Variants in NALF1 observed in about 807,000 individuals in gnomAD.
NALF1 encodes the protein NALCN channel auxiliary factor 1, also known as family with sequence similarity 155 member A.
NALF1 carries 3 observed loss-of-function variants against 48.4 expected under a neutral mutation model. The ratio of observed to expected loss-of-function variants is 0.06; its 90% CI spans 0.03 to 0.16. The LOEUF is 0.16. NALF1 is among the 10% of genes least tolerant of loss of function. The pLI, the probability that NALF1 is intolerant of heterozygous loss-of-function variation, is 1.00. For missense variants in NALF1, 526 were observed against 571.5 expected (o/e 0.92, Z 0.81); for synonymous variants, 262 against 245.7 (o/e 1.07, Z -0.62).
chr13:107,409,275 G>A (rs564286209), intron 1 of NALF1, among the ~76,000 whole-genome samples: 2 of 152,152 alleles, frequency 1.3e-5, no homozygotes, highest in East Asian at 1.9e-4. Context: ...GCTAGATGTT[G>A]GAGATACAAT....
intron 1 of NALF1, among the ~76,000 whole-genome samples, chr13:107,679,657 C>A (rs1408485290): frequency 6.6e-6 from 1 of 152,182 alleles, no homozygotes; most frequent in Non-Finnish European, 1.5e-5. Context: ...GTCCAGAATG[C>A]CCCTCATCCA....
intron 1 of NALF1, among the ~76,000 whole-genome samples, chr13:107,377,629 T>C (rs1482127525): frequency 5.3e-5 from 8 of 151,744 alleles, no homozygotes; most frequent in Admixed American, 5.3e-4. Context: ...AAATAAAAAA[T>C]AATAATAGTA....
In NALF1 at chr13:107,170,502, C is replaced by T; in HGVS notation, c.1372G>A (p.Glu458Lys). Residue 458 changes from glutamate (E) to lysine (K), a missense_variant, in exon 3 of 3, where the codon GAG becomes AAG. Physicochemically the swap from Glu to Lys is moderately conservative, Grantham distance 56. This residue lies in a region of NALF1 where 153 missense variants were observed against 215.9 expected (regional missense o/e 0.71). Transcript: ENST00000375915. ...NTLEENSTNEE is the reference protein window; with the variant it reads ...NTLEENSTNEK ...TGGTGACACTCGTCCTTCCGTTACT[C>T]CTCATTGGTTGAGTTTTCTTCCAGC... The T allele has an allele frequency of 6.3e-7, 1 of 1,597,044 alleles. No individual in the cohort carries two copies. Among genetic ancestry groups the T allele is most frequent in the Non-Finnish European group, 8.5e-7 (1 of 1,169,932 alleles).
At chr13:107,415,804 A>G (rs1230241043) in intron 1 of NALF1, among the ~76,000 whole-genome samples, 2 of 152,188 alleles carry the variant, frequency 1.3e-5, no homozygotes, top group African/African-American at 4.8e-5. Context: ...AGGTGATACA[A>G]TGTGATGTGG....
At chr13:107,381,452 C>T (rs139468379) in intron 1 of NALF1, among the ~76,000 whole-genome samples, 2,917 of 152,034 alleles carry the variant, frequency 0.019, 38 homozygotes, top group South Asian at 0.055. Context: ...CTCACCTTGG[C>T]CCCCCAAAGT....
At chr13:107,741,205 G>A (rs1053100430) in intron 1 of NALF1, among the ~76,000 whole-genome samples, 1 of 152,126 alleles carries the variant, frequency 6.6e-6, no homozygotes, top group African/African-American at 2.4e-5. Context: ...ATTTCATTCT[G>A]GTGCTAATTG....
chr13:107,758,667 G>T (rs1473906359), intron 1 of NALF1, among the ~76,000 whole-genome samples: 1 of 152,090 alleles, frequency 6.6e-6, no homozygotes, highest in East Asian at 1.9e-4. Flanking sequence ...CTGGTAGTGA[G>T]CCGAGATAGC....
chr13:107,395,626 CT>C (rs1477168522), intron 1 of NALF1, among the ~76,000 whole-genome samples: 84 of 152,234 alleles, frequency 5.5e-4, no homozygotes, highest in African/African-American at 1.9e-3. Context: ...ACTGCATTAG[CT>C]TGCTAGGGCT....
chr13:107,796,980 A>C (rs1287144168), intron 1 of NALF1, among the ~76,000 whole-genome samples: 1 of 152,102 alleles, frequency 6.6e-6, no homozygotes, highest in Non-Finnish European at 1.5e-5. Context: ...AAACTTCCTC[A>C]GCCATTTCCA....
rs1878650939 is a variant in NALF1 at position 107,166,017 on chromosome 13, T to TGA, written c.*4479_*4480insTC. 6.6e-6 allele frequency: 1 copy of TGA among 152,274 alleles called. No individual in the cohort carries two copies. The highest frequency in any genetic ancestry group is 6.6e-5 in the Admixed American group (1 of 15,252). The allele number at this position is 152,274 out of a possible 1,614,324, so 9.4% of individuals were successfully genotyped here. A position where few individuals can be genotyped will look rare whatever the true frequency, so the allele number is the denominator to read the frequency against. ...TTTATTTGCAAGCGATGTGTGTGTG[T>TGA]GTGTGTGTGTGTGTGTGTGTGTGTA... On this transcript the variant is annotated 3_prime_UTR_variant, in exon 3 of 3. Transcript: ENST00000375915.
intron 1 of NALF1, among the ~76,000 whole-genome samples, chr13:107,434,777 T>G (rs1884437736): frequency 6.6e-6 from 1 of 152,172 alleles, no homozygotes; most frequent in Non-Finnish European, 1.5e-5. Flanking sequence ...GCAGAGAATA[T>G]TTTATCTCTA....
chr13:107,262,904 A>G (rs1392557079), intron 1 of NALF1, among the ~76,000 whole-genome samples: 4 of 152,148 alleles, frequency 2.6e-5, no homozygotes, highest in East Asian at 1.9e-4. Flanking sequence ...ACGTATGCAC[A>G]TGGTTCCCAG....
At position 107,209,540 on chromosome 13, in the gene NALF1, C is replaced by T. The variant is rs144624893; in HGVS notation, c.1087+1044G>A. Among the ~76,000 whole-genome samples, 79 of 151,978 alleles carry T rather than the reference C, an allele frequency of 5.2e-4. No individual in the cohort carries two copies. The East Asian group carries it at 0.014, about 27-fold the overall frequency. Reference sequence around the variant, plus strand: ...AGAAATACTCATCCAGTTCTTAGGGCGAGCTTTGGCAGACTATCTCTTGAT... The same window carrying T: ...AGAAATACTCATCCAGTTCTTAGGGTGAGCTTTGGCAGACTATCTCTTGAT... On this transcript the variant is annotated intron_variant, in intron 2 of 2. Transcript: ENST00000375915.
intron 1 of NALF1, among the ~76,000 whole-genome samples, chr13:107,295,813 G>A (rs1881714304): frequency 6.6e-6 from 1 of 152,098 alleles, no homozygotes; most frequent in African/African-American, 2.4e-5. Context: ...TAAAATTCAT[G>A]CTCATCTGTC....
intron 2 of NALF1, among the ~76,000 whole-genome samples, chr13:107,178,803 G>T (rs1878995672): frequency 6.6e-6 from 1 of 152,068 alleles, no homozygotes; most frequent in South Asian, 2.1e-4. Context: ...AAATTAGCCG[G>T]GCGTGGTGGC....
intron 1 of NALF1, among the ~76,000 whole-genome samples, chr13:107,710,929 A>G (rs976427161): frequency 2.0e-5 from 3 of 151,750 alleles, no homozygotes; most frequent in Non-Finnish European, 2.9e-5. Context: ...ACACACAAAC[A>G]TATATATACA....
intron 1 of NALF1, among the ~76,000 whole-genome samples, chr13:107,613,558 T>C (rs897874641): frequency 1.3e-5 from 2 of 152,226 alleles, no homozygotes; most frequent in Non-Finnish European, 2.9e-5. Context: ...TACTTCTAGA[T>C]TTCAGTCCAT....
intron 1 of NALF1, among the ~76,000 whole-genome samples, chr13:107,373,538 C>T (rs966055672): frequency 6.6e-6 from 1 of 152,004 alleles, no homozygotes; most frequent in Non-Finnish European, 1.5e-5. Flanking sequence ...AAGGTGGAGC[C>T]CAAAAGGGGC....
intron 1 of NALF1, among the ~76,000 whole-genome samples, chr13:107,756,697 G>A (rs1046653369): frequency 2.2e-4 from 33 of 152,148 alleles, no homozygotes; most frequent in Admixed American, 7.9e-4. Context: ...TCCTAAGCAC[G>A]TCATGGGTCG....
Sources: allele counts gnomAD v4.1 joint callset (sites outside exome capture counted in the v4.1 genomes callset), GRCh38; gene constraint gnomAD v4.1.1; regional missense constraint gnomAD v4.1.1; transcripts MANE v1.5; gene names NCBI Gene and HGNC (gene_info 2026-07-23, HGNC 2026-07-21).